Variants in MYCBP2 observed in about 807,000 individuals in gnomAD.
MYCBP2 encodes the protein E3 ubiquitin-protein ligase MYCBP2.
In MYCBP2, 120 loss-of-function variants were observed where a neutral mutation model predicts 525.3. The ratio of observed to expected loss-of-function variants is 0.23; its 90% CI spans 0.20 to 0.27. MYCBP2 has a LOEUF of 0.27. MYCBP2 is among the 10% of genes least tolerant of loss of function. The pLI, the probability that MYCBP2 is intolerant of heterozygous loss-of-function variation, is 1.00. For synonymous variants in MYCBP2, 1,894 were observed against 1,955.8 expected (o/e 0.97, Z 0.83); for missense variants, 4,149 against 5,657.1 (o/e 0.73, Z 8.55).
rs780049529 is a variant in MYCBP2 at position 77,081,814 on chromosome 13, G to A, written c.11193+23C>T. 1.2e-5 allele frequency: 20 copies of A among 1,602,866 alleles called. No individual in the cohort carries two copies. The highest frequency in any genetic ancestry group is 1.6e-5 in the Non-Finnish European group (19 of 1,174,816). On this transcript the variant is annotated intron_variant, in intron 64 of 82. Coordinates refer to ENST00000544440, the MANE Select transcript of MYCBP2 (RefSeq NM_015057.5). This position sits in a 1 kb window ranked among gnomAD's most constrained non-coding sequence, Gnocchi z 4.6. ...GTATTATTAACTAACAGGACAACCA[G>A]GATAATAACTGAAATGACTGACCTG... is the stretch of plus-strand genomic sequence containing the variant.
intron 82 of MYCBP2, among the ~76,000 whole-genome samples, chr13:77,049,649 C>CT (rs901299086): frequency 4.8e-4 from 70 of 146,496 alleles, no homozygotes; most frequent in Middle Eastern, 3.5e-3. Flanking sequence ...CTGCAATTTG[C>CT]TTTTTTTTTT....
chr13:77,290,029 A>T (rs1004792502), intron 2 of MYCBP2, among the ~76,000 whole-genome samples: 2 of 152,312 alleles, frequency 1.3e-5, no homozygotes, highest in Non-Finnish European at 2.9e-5. Context: ...TCAACAGTAA[A>T]AACAAACAAG....
chr13:77,203,893 A>G (rs889083951), intron 26 of MYCBP2, among the ~76,000 whole-genome samples: 3 of 151,986 alleles, frequency 2.0e-5, no homozygotes, highest in Non-Finnish European at 4.4e-5. Flanking sequence ...ACAAAAATCA[A>G]TTCAAGATGG....
intron 78 of MYCBP2, among the ~76,000 whole-genome samples, chr13:77,057,928 C>T (rs2038475579): frequency 6.7e-6 from 1 of 149,974 alleles, no homozygotes; most frequent in Non-Finnish European, 1.5e-5. Flanking sequence ...AGCTCCGTCT[C>T]CTGGCTTCAT....
At chr13:77,176,034 A>T (rs1451856548) in intron 36 of MYCBP2, among the ~76,000 whole-genome samples, 4 of 134,978 alleles carry the variant, frequency 3.0e-5, no homozygotes, top group Non-Finnish European at 6.8e-5. Flanking sequence ...TTTTTTTTTT[A>T]AATGAGTTAG....
chr13:77,058,122 G>A lies in MYCBP2; in HGVS notation c.13329+96C>T. ...CCCAAAGTGCTGGGATTACAGGCAT[G>A]AGCCACTGCGCCCGGCCTCAATCAA... On this transcript the variant is annotated intron_variant, in intron 78 of 82. Transcript: ENST00000544440. The surrounding 1 kb of genome is among the most constrained non-coding windows in gnomAD (Gnocchi z 4.1). 7.3e-7 allele frequency: 1 copy of A among 1,379,232 alleles called. No individual in the cohort carries two copies. The highest frequency in any genetic ancestry group is 1.0e-6 in the Non-Finnish European group (1 of 1,003,326). The allele number at this position is 1,379,232 out of a possible 1,614,324, so 85.4% of individuals were successfully genotyped here.
intron 2 of MYCBP2, among the ~76,000 whole-genome samples, chr13:77,293,202 G>T (rs2077680926): frequency 6.6e-6 from 1 of 152,310 alleles, no homozygotes; most frequent in Admixed American, 6.5e-5. Flanking sequence ...GTAAGAAAGT[G>T]AAGTCATGTG....
chr13:77,213,033 A>T (rs2064255248), intron 21 of MYCBP2, among the ~76,000 whole-genome samples: 1 of 152,198 alleles, frequency 6.6e-6, no homozygotes, highest in Non-Finnish European at 1.5e-5. Context: ...CTAACTGTGG[A>T]AGCAACTGAG....
In MYCBP2 at chr13:77,087,745, C is replaced by A. The variant is rs1387991082; in HGVS notation, c.10726-112G>T. 5.0e-5 allele frequency: 47 copies of A among 931,324 alleles called. 2 individuals carry two copies. In the South Asian group the frequency reaches 6.3e-4, roughly 12 times the overall value. The allele number at this position is 931,324 out of a possible 1,614,324, so 57.7% of individuals were successfully genotyped here. A position where few individuals can be genotyped will look rare whatever the true frequency, so the allele number is the denominator to read the frequency against. On this transcript the variant is annotated intron_variant, in intron 61 of 82. Coordinates refer to ENST00000544440, the MANE Select transcript of MYCBP2 (RefSeq NM_015057.5). The stretch of plus-strand genomic sequence containing the variant: ...ACTTCAAAGAAAGATACTAGAAAAT[C>A]TTTTTTAATTAAAAAAAATGCCTTA...
chr13:77,136,035 C>T (rs2053705260), intron 52 of MYCBP2, among the ~76,000 whole-genome samples: 1 of 151,972 alleles, frequency 6.6e-6, no homozygotes, highest in Non-Finnish European at 1.5e-5. Flanking sequence ...AGGATTTCAC[C>T]ATCTTGAACT....
chr13:77,107,446 A>T (rs1042859560), intron 55 of MYCBP2, among the ~76,000 whole-genome samples: 5 of 152,162 alleles, frequency 3.3e-5, no homozygotes, highest in Non-Finnish European at 5.9e-5. Flanking sequence ...ATTTTTCAGA[A>T]AGTGACAGGA....
At chr13:77,277,404 T>C (rs2075748289) in intron 4 of MYCBP2, among the ~76,000 whole-genome samples, 1 of 152,208 alleles carries the variant, frequency 6.6e-6, no homozygotes, top group South Asian at 2.1e-4. Context: ...TTTTAATAAC[T>C]GTGTATGTGA....
At chr13:77,303,035 T>C (rs2078971489) in intron 1 of MYCBP2, among the ~76,000 whole-genome samples, 1 of 152,110 alleles carries the variant, frequency 6.6e-6, no homozygotes, top group African/African-American at 2.4e-5. Flanking sequence ...ATAGAAAAAC[T>C]TGAAAACATG....
In MYCBP2 at chr13:77,319,403, C is replaced by T. The variant is rs2081330256; in HGVS notation, c.302+7071G>A. Among the ~76,000 whole-genome samples, 3 of 152,190 alleles carry T rather than the reference C, an allele frequency of 2.0e-5. No homozygotes were observed. The South Asian group carries it at 6.2e-4, about 31-fold the overall frequency. Reference sequence around the variant, plus strand: ...TCAGGATTCCTGCCCAACCAGAACACTGACCTTAGCATAGCTGAGAGAGAA... The same window carrying T: ...TCAGGATTCCTGCCCAACCAGAACATTGACCTTAGCATAGCTGAGAGAGAA... On this transcript the variant is annotated intron_variant, in intron 1 of 82. Coordinates refer to ENST00000544440, the MANE Select transcript of MYCBP2 (RefSeq NM_015057.5).
Position 77,224,521 on chromosome 13 carries a change from C to G in MYCBP2, c.2869G>C (p.Glu957Gln). The G allele has an allele frequency of 6.2e-7, 1 of 1,604,732 alleles. No individual in the cohort carries two copies. Among genetic ancestry groups the G allele is most frequent in the Non-Finnish European group, 8.5e-7 (1 of 1,174,442 alleles). ...CGFHHSVVLM[E>Q]NGDVYTFGYG... ...CCAAATGTATAGACATCTCCATTTT[C>G]CATTAAAACCACTGCAACCAAAACA... The change falls in exon 20 of 83, where the codon GAA becomes CAA. Residue 957 changes from glutamate to glutamine, a missense_variant. By Grantham distance (29) the Glu-to-Gln change is conservative. Around this residue, in one of 21 missense-constraint regions of MYCBP2, gnomAD observed 620 missense variants for 795.5 expected, o/e 0.78. Transcript: ENST00000544440.
At chr13:77,196,912 T>TA (rs1264407358) in intron 26 of MYCBP2, among the ~76,000 whole-genome samples, 1 of 152,166 alleles carries the variant, frequency 6.6e-6, no homozygotes, top group African/African-American at 2.4e-5. Flanking sequence ...AGAATACTTT[T>TA]AAAAGATGTC....
At chr13:77,196,730 G>C (rs2061793452) in intron 26 of MYCBP2, among the ~76,000 whole-genome samples, 1 of 152,220 alleles carries the variant, frequency 6.6e-6, no homozygotes, top group South Asian at 2.1e-4. Context: ...GGTTTAGGCA[G>C]ATCATCAGAA....
At chr13:77,233,102 G>T in intron 18 of MYCBP2, 54 bp downstream of exon 18, 2 of 1,465,834 alleles carry the variant, frequency 1.4e-6, no homozygotes, top group Non-Finnish European at 1.9e-6. Flanking sequence ...AAATTCAAAT[G>T]AGTGGAAGAA....
chr13:77,234,126 T>G (rs1310999769), intron 17 of MYCBP2, among the ~76,000 whole-genome samples: 1 of 151,986 alleles, frequency 6.6e-6, no homozygotes, highest in Non-Finnish European at 1.5e-5. Flanking sequence ...ATTTTTCCCA[T>G]TAACATTTAT....
Sources: allele counts gnomAD v4.1 joint callset (sites outside exome capture counted in the v4.1 genomes callset), GRCh38; gene constraint gnomAD v4.1.1; regional missense constraint gnomAD v4.1.1; non-coding constraint Gnocchi (gnomAD v3.1); transcripts MANE v1.5; gene names NCBI Gene and HGNC (gene_info 2026-07-23, HGNC 2026-07-21).